The following PDK1 variants were observed in gnomAD, a reference collection of about 807,000 sequenced individuals.
The protein encoded by PDK1 is [Pyruvate dehydrogenase (acetyl-transferring)] kinase isozyme 1, mitochondrial.
Under a neutral mutation model 54.2 loss-of-function variants are expected in PDK1, and 39 were observed. The observed-to-expected ratio is 0.72, with a 90% CI of 0.56 to 0.94. PDK1 has a LOEUF of 0.94. PDK1 is among the 40% of genes least tolerant of loss of function. The pLI is 0.00. For synonymous variants in PDK1, 221 were observed against 207.1 expected (o/e 1.07, Z -0.58); for missense variants, 552 against 566.0 (o/e 0.98, Z 0.25).
chr2:172,666,487 A>T, the PDK1 span, among the ~76,000 whole-genome samples: 1 of 152,222 alleles, frequency 6.6e-6, no homozygotes, highest in African/African-American at 2.4e-5. Flanking sequence ...AGGGGTTCTT[A>T]TCCCTGACGC....
chr2:172,617,992 C>A, the PDK1 span, among the ~76,000 whole-genome samples: 1 of 152,132 alleles, frequency 6.6e-6, no homozygotes, highest in Admixed American at 6.5e-5. Flanking sequence ...ACCCTCAACA[C>A]TTTTAGGGGT....
chr2:172,588,563 G>T (rs1690388840), intron 9 of PDK1, among the ~76,000 whole-genome samples: 1 of 152,180 alleles, frequency 6.6e-6, no homozygotes, highest in Non-Finnish European at 1.5e-5. Context: ...GAAAATAGGA[G>T]GCTTGACCTG....
chr2:172,720,937 C>T, the PDK1 span, among the ~76,000 whole-genome samples: 1 of 152,162 alleles, frequency 6.6e-6, no homozygotes, highest in South Asian at 2.1e-4. Context: ...CCACCCTCAC[C>T]CAGTCTTTCT....
chr2:172,556,507 C>T (rs1688334334), intron 1 of PDK1, 161 bp downstream of exon 1: 3 of 477,344 alleles, frequency 6.3e-6, no homozygotes, highest in South Asian at 4.9e-5. Context: ...CTTCCTCCCT[C>T]CGAAGTGCCG....
chr2:172,678,755 G>C, the PDK1 span: 1 of 152,178 alleles, frequency 6.6e-6, no homozygotes, highest in Non-Finnish European at 1.5e-5. Flanking sequence ...GCACAAAGTA[G>C]ATGCTTATTA....
At chr2:172,572,762 A>G (rs59990001) in intron 8 of PDK1, among the ~76,000 whole-genome samples, 8 of 152,110 alleles carry the variant, frequency 5.3e-5, no homozygotes, top group Non-Finnish European at 1.0e-4. Flanking sequence ...GTACCTATGA[A>G]GTCACTTCCC....
the PDK1 span, among the ~76,000 whole-genome samples, chr2:172,642,648 G>T: frequency 6.6e-6 from 1 of 152,206 alleles, no homozygotes; most frequent in Non-Finnish European, 1.5e-5. Flanking sequence ...TGGGCCTAGT[G>T]TGTTCATAGA....
the PDK1 span, among the ~76,000 whole-genome samples, chr2:172,704,934 A>G: frequency 6.6e-6 from 1 of 152,210 alleles, no homozygotes. Flanking sequence ...CATCAGTTCT[A>G]CAAGCTCAAA....
chr2:172,703,958 G>T, the PDK1 span, among the ~76,000 whole-genome samples: 1 of 151,364 alleles, frequency 6.6e-6, no homozygotes, highest in Admixed American at 6.6e-5. Context: ...ATTTTTAGTA[G>T]AGACAGGGTT....
intron 3 of PDK1, among the ~76,000 whole-genome samples, chr2:172,563,778 G>T (rs2149205944): frequency 6.6e-6 from 1 of 151,850 alleles, no homozygotes; most frequent in South Asian, 2.1e-4. Flanking sequence ...AGGTTGCAGT[G>T]AGCCGAGATT....
At chr2:172,724,300 T>C in the PDK1 span, 2 of 152,312 alleles carry the variant, frequency 1.3e-5, no homozygotes, top group East Asian at 3.9e-4. Flanking sequence ...AAGTGAGTCA[T>C]TTCAAACAGT....
the PDK1 span, among the ~76,000 whole-genome samples, chr2:172,660,620 T>C: frequency 6.6e-6 from 1 of 152,096 alleles, no homozygotes; most frequent in Admixed American, 6.6e-5. Flanking sequence ...ATCATATTGT[T>C]CTTTTAATGG....
At chr2:172,712,529 G>A in the PDK1 span, among the ~76,000 whole-genome samples, 8 of 152,198 alleles carry the variant, frequency 5.3e-5, no homozygotes, top group African/African-American at 1.7e-4. Flanking sequence ...TGCTAGCTGC[G>A]GTGGGGTGGG....
At chr2:172,672,631 TA>T in the PDK1 span, among the ~76,000 whole-genome samples, 43 of 151,470 alleles carry the variant, frequency 2.8e-4, no homozygotes, top group African/African-American at 1.0e-3. Context: ...TTTTTTTTTT[TA>T]AAAAACAAGA....
the PDK1 span, among the ~76,000 whole-genome samples, chr2:172,665,902 A>T: frequency 6.6e-6 from 1 of 152,116 alleles, no homozygotes; most frequent in Non-Finnish European, 1.5e-5. Context: ...TTCCTGGATC[A>T]CTCAGACATA....
Position 172,558,776 on chromosome 2 carries a change from A to G in PDK1, c.265A>G (p.Asn89Asp). 6.2e-7 allele frequency: 1 copy of G among 1,612,192 alleles called. No individual in the cohort carries two copies. Among genetic ancestry groups the G allele is most frequent in the Non-Finnish European group, 8.5e-7 (1 of 1,179,256 alleles). The change falls in exon 2 of 11, where the codon AAT becomes GAT. Residue 89 changes from asparagine to aspartate, a missense_variant. By Grantham distance (23) the Asn-to-Asp change is conservative (BLOSUM62 1). Transcript: ENST00000282077. ...LRQELPVRLA[N>D]IMKEISLLPD... ...GCAAGAGTTGCCTGTCAGACTGGCA[A>G]ATATAATGAAAGAAATAAGTCTCCT...
chr2:172,622,959 A>G, the PDK1 span, among the ~76,000 whole-genome samples: 7 of 150,322 alleles, frequency 4.7e-5, no homozygotes, highest in East Asian at 1.4e-3. Flanking sequence ...TTAGATAGAT[A>G]GATAGATCTC....
the PDK1 span, among the ~76,000 whole-genome samples, chr2:172,634,591 C>T: frequency 2.6e-5 from 4 of 152,022 alleles, no homozygotes; most frequent in East Asian, 1.9e-4. Context: ...CTTATTTTAA[C>T]GTCTGGATAG....
chr2:172,710,986 G>A, the PDK1 span, among the ~76,000 whole-genome samples: 2 of 152,298 alleles, frequency 1.3e-5, no homozygotes, highest in African/African-American at 4.8e-5. Context: ...AAGCACATTG[G>A]AAGTTATTTA....
Sources: allele counts gnomAD v4.1 joint callset (sites outside exome capture counted in the v4.1 genomes callset), GRCh38; gene constraint gnomAD v4.1.1; transcripts MANE v1.5; gene names NCBI Gene and HGNC (gene_info 2026-07-23, HGNC 2026-07-21).